The following BBS9 variants were observed in gnomAD, a reference collection of about 807,000 sequenced individuals.
BBS9 encodes protein PTHB1.
In BBS9, 89 loss-of-function variants were observed where a neutral mutation model predicts 117.7. The ratio of observed to expected loss-of-function variants is 0.76; its 90% CI spans 0.64 to 0.90. BBS9 has a LOEUF of 0.90. Among genes scored for constraint, BBS9 ranks in the 40% least tolerant of loss-of-function variants. BBS9 has a pLI of 0.00. For missense variants in BBS9, 982 were observed against 1,042.2 expected (o/e 0.94, Z 0.80); for synonymous variants, 379 against 370.9 (o/e 1.02, Z -0.25).
rs1450271969 is a variant in BBS9, at chr7:33,336,472, G to C, written c.1048G>C (p.Asp350His). 2 of 1,613,754 alleles carry C rather than the reference G, an allele frequency of 1.2e-6. No individual in the cohort carries two copies. The highest frequency in any genetic ancestry group is 3.3e-5 in the Admixed American group (2 of 59,996). Residue 350 changes from aspartate (D) to histidine (H), a missense_variant, in exon 10 of 23, where the codon GAT (aspartate) becomes CAT (histidine). Coordinates refer to ENST00000242067, the MANE Select transcript of BBS9 (RefSeq NM_198428.3). The part of the protein sequence containing the change: ...DLKGVIVTLS[D>H]DGHLQCSYLG... ...AAAGGGAGTGATAGTCACTCTGAGT[G>C]ATGATGGTCACTTGCAGTGTTCATA... is the stretch of plus-strand genomic sequence containing the variant.
chr7:33,488,690 C>T (rs1404052979), intron 19 of BBS9, among the ~76,000 whole-genome samples: 1 of 152,032 alleles, frequency 6.6e-6, no homozygotes, highest in African/African-American at 2.4e-5. Context: ...TGTCCTTGTT[C>T]TCAAAAAACA....
intron 19 of BBS9, among the ~76,000 whole-genome samples, chr7:33,479,907 TA>T (rs1193528791): frequency 6.6e-6 from 1 of 152,206 alleles, no homozygotes; most frequent in African/African-American, 2.4e-5. Flanking sequence ...GCCCATTTTT[TA>T]ATGAGGTTGT....
chr7:33,487,747 G>C (rs1055631240), intron 19 of BBS9, among the ~76,000 whole-genome samples: 1 of 152,110 alleles, frequency 6.6e-6, no homozygotes, highest in Non-Finnish European at 1.5e-5. Flanking sequence ...ATGTGTCTGG[G>C]TGACTGCCCT....
At chr7:33,412,833 A>C (rs1288812681) in intron 19 of BBS9, among the ~76,000 whole-genome samples, 1 of 152,234 alleles carries the variant, frequency 6.6e-6, no homozygotes, top group Middle Eastern at 3.2e-3. Context: ...AGCCTGAATC[A>C]TAGGACTAGA....
intron 9 of BBS9, among the ~76,000 whole-genome samples, chr7:33,322,771 G>A (rs922663834): frequency 3.3e-5 from 5 of 151,408 alleles, no homozygotes; most frequent in African/African-American, 1.2e-4. Context: ...TTCTCTTTTA[G>A]TAATCTTGGG....
intron 19 of BBS9, among the ~76,000 whole-genome samples, chr7:33,418,635 C>T (rs1411812157): frequency 1.3e-5 from 2 of 152,170 alleles, no homozygotes; most frequent in Non-Finnish European, 2.9e-5. Context: ...GACAGGAATG[C>T]TGTGGTGGCT....
intron 21 of BBS9, among the ~76,000 whole-genome samples, chr7:33,550,513 A>G (rs913697536): frequency 5.3e-5 from 8 of 152,192 alleles, no homozygotes; most frequent in Non-Finnish European, 1.2e-4. Context: ...ATTCTGGCCA[A>G]TATAACTGGC....
intron 21 of BBS9, among the ~76,000 whole-genome samples, chr7:33,596,911 G>A (rs1002630738): frequency 2.6e-5 from 4 of 152,036 alleles, no homozygotes; most frequent in Admixed American, 2.0e-4. Context: ...CAAGCATACA[G>A]CAGATGCCTG....
chr7:33,508,739 G>A (rs1037737895), intron 20 of BBS9, among the ~76,000 whole-genome samples: 1 of 152,194 alleles, frequency 6.6e-6, no homozygotes, highest in African/African-American at 2.4e-5. Flanking sequence ...CTGAGCATGA[G>A]CCCCTTTGTG....
chr7:33,168,377 T>A (rs1178213726), intron 4 of BBS9, among the ~76,000 whole-genome samples: 1 of 152,224 alleles, frequency 6.6e-6, no homozygotes, highest in Admixed American at 6.5e-5. Flanking sequence ...TAGAGGAGAC[T>A]CAGTCTTTCA....
chr7:33,327,705 C>T (rs534505642), intron 9 of BBS9, among the ~76,000 whole-genome samples: 8 of 152,166 alleles, frequency 5.3e-5, no homozygotes, highest in African/African-American at 1.4e-4. Context: ...AAAGAAGAAA[C>T]ACTAAAAAAC....
At chr7:33,481,749 G>T (rs1216673472) in intron 19 of BBS9, among the ~76,000 whole-genome samples, 1 of 152,156 alleles carries the variant, frequency 6.6e-6, no homozygotes, top group African/African-American at 2.4e-5. Context: ...TAACCTAGGG[G>T]TGATTTGTAG....
intron 20 of BBS9, among the ~76,000 whole-genome samples, chr7:33,532,784 A>G (rs1850785671): frequency 6.6e-6 from 1 of 152,208 alleles, no homozygotes; most frequent in Admixed American, 6.5e-5. Context: ...TGAGGATGGA[A>G]TGATGGGTTC....
intron 21 of BBS9, among the ~76,000 whole-genome samples, chr7:33,540,924 T>A (rs1852190273): frequency 1.3e-5 from 2 of 152,228 alleles, no homozygotes; most frequent in African/African-American, 4.8e-5. Flanking sequence ...CTCCATAATT[T>A]CGCACTTTGC....
At position 33,148,379 on chromosome 7, in the gene BBS9, G is replaced by A. The variant is rs117133790; in HGVS notation, c.112+2015G>A. Among the ~76,000 whole-genome samples, 871 of 152,188 alleles carry A rather than the reference G, an allele frequency of 5.7e-3. 7 individuals carry two copies. The highest frequency in any genetic ancestry group is 0.01 in the Non-Finnish European group (708 of 67,982). On this transcript the variant is annotated intron_variant, in intron 2 of 22. Coordinates refer to ENST00000242067, the MANE Select transcript of BBS9 (RefSeq NM_198428.3). ...GATTCTGAAAAGAGCAGGCAGAGAGGCAGGAAAACTAATTAGGCTGGTAAC... is the reference window on the plus strand; with the variant it reads ...GATTCTGAAAAGAGCAGGCAGAGAGACAGGAAAACTAATTAGGCTGGTAAC...
At position 33,396,273 on chromosome 7, in the gene BBS9, A is replaced by AGT. The variant is rs113752023; in HGVS notation, c.2115+8131_2115+8132dup. Among the ~76,000 whole-genome samples, 67 of 152,264 alleles carry AGT rather than the reference A, an allele frequency of 4.4e-4. 2 individuals carry two copies. The highest frequency in any genetic ancestry group is 1.5e-3 in the African/African-American group (64 of 41,556). On this transcript the variant is annotated intron_variant, in intron 19 of 22. Transcript: ENST00000242067. ...ATTGTAACCAGCTTTCTAGTTGGAA[A>AGT]GTGATTAGGTTTATCATAGTACTAC... is the stretch of plus-strand genomic sequence containing the variant.
chr7:33,196,228 T>G (rs766396319), intron 5 of BBS9, among the ~76,000 whole-genome samples: 39 of 152,130 alleles, frequency 2.6e-4, no homozygotes, highest in Non-Finnish European at 4.7e-4. Context: ...TCCTTCCCAC[T>G]CTGAGGTTTT....
chr7:33,575,276 G>C (rs1208111994), intron 21 of BBS9, among the ~76,000 whole-genome samples: 1 of 151,994 alleles, frequency 6.6e-6, no homozygotes, highest in Admixed American at 6.6e-5. Context: ...ATGCTGTCAT[G>C]AAACAGTTCA....
chr7:33,245,614 A>AT (rs1421383155), intron 5 of BBS9, among the ~76,000 whole-genome samples: 1 of 152,266 alleles, frequency 6.6e-6, no homozygotes, highest in East Asian at 1.9e-4. Context: ...GGCAGTTCTT[A>AT]TGGAATTGTC....
Sources: gnomAD v4.1 joint callset for allele counts (sites outside exome capture counted in the v4.1 genomes callset) on GRCh38, gnomAD v4.1.1 for gene constraint, MANE v1.5 for transcripts, NCBI Gene and HGNC (gene_info 2026-07-23, HGNC 2026-07-21) for gene names.